Variants in TCF7L1 observed in about 807,000 individuals in gnomAD.
TCF7L1 encodes transcription factor 7 like 1, also known as transcription factor 7-like 1.
In TCF7L1, 18 loss-of-function variants were observed where a neutral mutation model predicts 63.7. The observed-to-expected ratio is 0.28, with a 90% CI of 0.20 to 0.42. The LOEUF (loss-of-function observed/expected upper bound fraction) is 0.42, where lower values mean the gene tolerates loss of function less well. Among genes scored for constraint, TCF7L1 ranks in the 10% least tolerant of loss-of-function variants. The pLI, the probability that TCF7L1 is intolerant of heterozygous loss-of-function variation, is 1.00. For missense variants in TCF7L1, 654 were observed against 779.3 expected (o/e 0.84, Z 1.91); for synonymous variants, 355 against 340.9 (o/e 1.04, Z -0.46).
At chr2:85,149,331 G>A (rs199816359) in intron 3 of TCF7L1, among the ~76,000 whole-genome samples, 1 of 122,142 alleles carries the variant, frequency 8.2e-6, no homozygotes, top group African/African-American at 3.0e-5. Flanking sequence ...ATACACATAT[G>A]TGTGTATATG....
chr2:85,205,784 G>T (rs1422590708), intron 3 of TCF7L1, among the ~76,000 whole-genome samples: 1 of 152,184 alleles, frequency 6.6e-6, no homozygotes, highest in Admixed American at 6.5e-5. Flanking sequence ...GCCTCCCAAA[G>T]TGTTGGGATT....
chr2:85,142,753 T>C (rs184414896), intron 3 of TCF7L1, among the ~76,000 whole-genome samples: 172 of 152,302 alleles, frequency 1.1e-3, no homozygotes, highest in African/African-American at 3.8e-3. Flanking sequence ...TGTTCAGAAA[T>C]GAAGGGAACC....
At chr2:85,136,755 C>A (rs2104178585) in intron 3 of TCF7L1, among the ~76,000 whole-genome samples, 1 of 152,280 alleles carries the variant, frequency 6.6e-6, no homozygotes, top group Admixed American at 6.5e-5. Context: ...ACAGTTAAAC[C>A]TAATTTGACC....
At chr2:85,150,265 G>A (rs1213631657) in intron 3 of TCF7L1, among the ~76,000 whole-genome samples, 1 of 146,156 alleles carries the variant, frequency 6.8e-6, no homozygotes, top group Admixed American at 7.0e-5. Flanking sequence ...ACGGAGTCTC[G>A]CTCTGTCGCC....
At chr2:85,302,643 C>CTGCT (rs760685527) in intron 5 of TCF7L1, 27 bp downstream of exon 5, 6 of 1,443,094 alleles carry the variant, frequency 4.2e-6, no homozygotes, top group Admixed American at 1.8e-5. Flanking sequence ...TCAGGCAGTG[C>CTGCT]TGCTGCAGGG....
intron 3 of TCF7L1, among the ~76,000 whole-genome samples, chr2:85,230,509 AT>A (rs1680052740): frequency 6.6e-6 from 1 of 151,984 alleles, no homozygotes; most frequent in Non-Finnish European, 1.5e-5. Context: ...AATTTCTTGA[AT>A]TTTTAGTAGA....
rs1558661867 is a variant in TCF7L1 at position 85,303,877 on chromosome 2, ATC to A, written c.659-12_659-11del. 1.3e-6 allele frequency: 2 copies of A among 1,584,358 alleles called. No homozygotes were observed. The highest frequency in any genetic ancestry group is 2.2e-5 in the East Asian group (1 of 44,660). On this transcript the variant is annotated splice_polypyrimidine_tract_variant and intron_variant, in intron 5 of 11. Transcript: ENST00000282111. ...GCAGGGCGAGGGAACAGTCTGACAT[ATC>A]TCTCTTTGGAAGCAGGAATCCCCCG...
chr2:85,289,496 A>G (rs1183803740), intron 4 of TCF7L1, among the ~76,000 whole-genome samples: 3 of 152,234 alleles, frequency 2.0e-5, no homozygotes, highest in Non-Finnish European at 2.9e-5. Flanking sequence ...CTGAGCATCC[A>G]GAATCAGAAA....
chr2:85,213,076 A>G (rs1679611724), intron 3 of TCF7L1, among the ~76,000 whole-genome samples: 1 of 145,728 alleles, frequency 6.9e-6, no homozygotes, highest in African/African-American at 2.6e-5. Context: ...TGGTGACCCA[A>G]GGGAGGCCCA....
intron 3 of TCF7L1, among the ~76,000 whole-genome samples, chr2:85,203,821 A>T (rs1679333154): frequency 6.6e-6 from 1 of 152,198 alleles, no homozygotes; most frequent in African/African-American, 2.4e-5. Context: ...ATTAAAAAGA[A>T]GTTTAAAAAA....
chr2:85,236,638 C>T (rs889783630), intron 3 of TCF7L1, among the ~76,000 whole-genome samples: 4 of 151,958 alleles, frequency 2.6e-5, no homozygotes, highest in Admixed American at 1.3e-4. Flanking sequence ...AGAGCCTTGC[C>T]GGGGATCAGT....
chr2:85,208,385 G>A lies in TCF7L1; in HGVS notation c.441+73935G>A, dbSNP rs533882155. On this transcript the variant is annotated intron_variant, in intron 3 of 11. Coordinates refer to ENST00000282111, the MANE Select transcript of TCF7L1 (RefSeq NM_031283.3). ...CTTCTGGCAGGAGAGAGAGACATAC[G>A]TATACAGCGTGTCAGGTGGGAAAGG... 3.9e-5 allele frequency among the ~76,000 whole-genome samples: 6 copies of A among 152,254 alleles called. No homozygotes were observed. The South Asian group carries it at 8.3e-4, about 21-fold the overall frequency.
chr2:85,289,020 C>A (rs188588848), intron 4 of TCF7L1, among the ~76,000 whole-genome samples: 14 of 152,308 alleles, frequency 9.2e-5, no homozygotes, highest in African/African-American at 3.4e-4. Context: ...AAAGTTAATA[C>A]CCCTTCTCTA....
At chr2:85,216,199 A>T (rs1435019380) in intron 3 of TCF7L1, among the ~76,000 whole-genome samples, 2 of 152,080 alleles carry the variant, frequency 1.3e-5, no homozygotes, top group Non-Finnish European at 2.9e-5. Flanking sequence ...AGGCACTAAC[A>T]AAGTATGAGC....
At chr2:85,167,757 G>A (rs1187125460) in intron 3 of TCF7L1, among the ~76,000 whole-genome samples, 3 of 152,106 alleles carry the variant, frequency 2.0e-5, no homozygotes, top group Non-Finnish European at 4.4e-5. Flanking sequence ...TCGGCTACTC[G>A]GGAGACTGAG....
chr2:85,201,041 A>C (rs1679257948), intron 3 of TCF7L1, among the ~76,000 whole-genome samples: 1 of 152,126 alleles, frequency 6.6e-6, no homozygotes, highest in Non-Finnish European at 1.5e-5. Context: ...TCTCTACTAA[A>C]AAATATAAAA....
At chr2:85,157,284 A>G in intron 3 of TCF7L1, among the ~76,000 whole-genome samples, 1 of 152,170 alleles carries the variant, frequency 6.6e-6, no homozygotes, top group Non-Finnish European at 1.5e-5. Flanking sequence ...TGCAGTGATA[A>G]TAGTTCTTTC....
At chr2:85,217,079 C>A (rs553655769) in intron 3 of TCF7L1, 1 of 152,324 alleles carries the variant, frequency 6.6e-6, no homozygotes, top group African/African-American at 2.4e-5. Flanking sequence ...GAAGGGGAAT[C>A]CCACATGTGT....
At position 85,133,600 on chromosome 2, in the gene TCF7L1, G is replaced by C. The variant is rs888482628; in HGVS notation, c.-85G>C. On this transcript the variant is annotated 5_prime_UTR_variant, in exon 1 of 12. Transcript: ENST00000282111. This position sits in a 1 kb window ranked among gnomAD's most constrained non-coding sequence, Gnocchi z 4.4. Reference sequence around the variant, plus strand: ...CGGCTAGCGCAGCGGGCCCGCAAGCGGGCGGGAGGGGCGCCGGGCCGGGCC... The same window carrying C: ...CGGCTAGCGCAGCGGGCCCGCAAGCCGGCGGGAGGGGCGCCGGGCCGGGCC... 67 of 428,308 alleles carry C rather than the reference G, an allele frequency of 1.6e-4. No homozygotes were observed. Among genetic ancestry groups the C allele is most frequent in the Non-Finnish European group, 2.0e-4 (64 of 322,972 alleles). 26.5% of individuals were successfully genotyped at this position (428,308 alleles called of 1,614,324 possible).
Sources: allele counts gnomAD v4.1 joint callset (sites outside exome capture counted in the v4.1 genomes callset), GRCh38; gene constraint gnomAD v4.1.1; non-coding constraint Gnocchi (gnomAD v3.1); transcripts MANE v1.5; gene names NCBI Gene and HGNC (gene_info 2026-07-23, HGNC 2026-07-21).